MED14: variants seen among roughly 807,000 people sequenced by gnomAD.
MED14 encodes mediator of RNA polymerase II transcription subunit 14.
Under a neutral mutation model 109.0 loss-of-function variants are expected in MED14, and 8 were observed. The ratio of observed to expected loss-of-function variants is 0.07; its 90% CI spans 0.04 to 0.13. The LOEUF (loss-of-function observed/expected upper bound fraction) is 0.13, where lower values mean the gene tolerates loss of function less well. Ranked by LOEUF, MED14 falls within the 10% of genes least tolerant of loss-of-function variation. MED14 has a pLI of 1.00. For synonymous variants in MED14, 399 were observed against 408.7 expected (o/e 0.98, Z 0.29); for missense variants, 711 against 1,142.4 (o/e 0.62, Z 5.44).
intron 1 of MED14, among the ~76,000 whole-genome samples, chrX:40,730,209 G>C (rs1932029311): frequency 8.9e-6 from 1 of 112,363 alleles, no homozygotes; most frequent in African/African-American, 3.2e-5. Context: ...GTACAAGGAG[G>C]AGAAAATATT....
chrX:40,683,532 A>C (rs905280743), intron 16 of MED14, among the ~76,000 whole-genome samples: 1 of 111,991 alleles, frequency 8.9e-6, no homozygotes, highest in South Asian at 3.7e-4. Context: ...CACAGCAAGT[A>C]TTCATATGTT....
At chrX:40,720,461 G>A (rs1370792447) in intron 3 of MED14, among the ~76,000 whole-genome samples, 2 of 112,177 alleles carry the variant, frequency 1.8e-5, no homozygotes, top group African/African-American at 3.2e-5. Flanking sequence ...ACCAGCCTTG[G>A]CTAGAGAATT....
At chrX:40,690,651 G>A (rs1161466650) in intron 15 of MED14, among the ~76,000 whole-genome samples, 2 of 111,230 alleles carry the variant, frequency 1.8e-5, no homozygotes, top group Non-Finnish European at 3.8e-5. Flanking sequence ...CTGACCTCAG[G>A]TGATCTGCCC....
intron 3 of MED14, among the ~76,000 whole-genome samples, chrX:40,718,636 C>T (rs1394216556): frequency 9.0e-6 from 1 of 111,321 alleles, no homozygotes; most frequent in Non-Finnish European, 1.9e-5. Flanking sequence ...GAGTTCGAAA[C>T]CAGCCTGGGC....
chrX:40,732,388 G>A lies in MED14; in HGVS notation c.215+2810C>T, dbSNP rs753164845. Among the ~76,000 whole-genome samples, 156 of 111,549 alleles carry A rather than the reference G, an allele frequency of 1.4e-3. 1 individual carries two copies. Among genetic ancestry groups the A allele is most frequent in the African/African-American group, 4.5e-3 (139 of 30,684 alleles). ...ACAAAAATTAACCAGGTGTGGTGGT[G>A]CATGCCTGTAATCGCAGCTACTCGG... On this transcript the variant is annotated intron_variant, in intron 1 of 30. Transcript: ENST00000324817.
chrX:40,680,265 G>C (rs1244539324), intron 20 of MED14, 132 bp from the exon 21 acceptor site: 2 of 629,233 alleles, frequency 3.2e-6, no homozygotes, highest in East Asian at 3.5e-5. Flanking sequence ...CCCTTGAAGA[G>C]AATGCAAACT....
chrX:40,653,188 A>G (rs1316080620), intron 30 of MED14, among the ~76,000 whole-genome samples: 3 of 111,759 alleles, frequency 2.7e-5, no homozygotes, highest in African/African-American at 9.8e-5. Flanking sequence ...CTTGTGAAGG[A>G]ATGGTGTTTA....
intron 5 of MED14, 108 bp downstream of exon 5, chrX:40,713,670 T>C: frequency 2.3e-6 from 2 of 862,734 alleles, no homozygotes; most frequent in Non-Finnish European, 3.3e-6. Flanking sequence ...CTCAAACTCC[T>C]GACCTCAAGT....
chrX:40,696,219 C>T (rs1416865397), intron 13 of MED14, among the ~76,000 whole-genome samples: 1 of 106,951 alleles, frequency 9.4e-6, no homozygotes, highest in Non-Finnish European at 1.9e-5. Flanking sequence ...ACTGCAAGCT[C>T]CGCCTCCCGG....
At chrX:40,693,575 ATTTC>A (rs1157892206) in intron 13 of MED14, among the ~76,000 whole-genome samples, 4 of 111,190 alleles carry the variant, frequency 3.6e-5, no homozygotes, top group Non-Finnish European at 7.5e-5. Flanking sequence ...AGTCTCAGGT[ATTTC>A]TTTATCAGCA....
upstream of MED14, chrX:40,735,789 A>G (rs1165422401): frequency 2.8e-6 from 1 of 355,326 alleles, no homozygotes; most frequent in East Asian, 8.2e-5. Flanking sequence ...ACCTTCCGAC[A>G]GGTCTGTGTC....
chrX:40,690,215 G>A (rs1478907732), intron 15 of MED14, among the ~76,000 whole-genome samples: 1 of 112,056 alleles, frequency 8.9e-6, no homozygotes, highest in African/African-American at 3.2e-5. Context: ...ATCCAGATAA[G>A]AGGACATTCA....
intron 26 of MED14, among the ~76,000 whole-genome samples, chrX:40,660,132 T>C (rs1458958750): frequency 4.5e-5 from 5 of 112,326 alleles, no homozygotes; most frequent in Middle Eastern, 4.6e-3. Flanking sequence ...GTTTTTTGTT[T>C]TGTTTTGTTT....
chrX:40,728,234 T>C lies in MED14; in HGVS notation c.242+1085A>G, dbSNP rs186670915. Among the ~76,000 whole-genome samples the C allele has an allele frequency of 1.8e-4, 20 of 111,523 alleles. No homozygotes were observed. The East Asian group carries it at 5.0e-3, about 28-fold the overall frequency. ...GCAGTCCTCTACTACAATGGAGATG[T>C]CCCCCTTTGTAAACTATAGTAACAT... On this transcript the variant is annotated intron_variant, in intron 2 of 30. Transcript: ENST00000324817.
At chrX:40,716,385 G>A (rs752973409) in intron 3 of MED14, among the ~76,000 whole-genome samples, 1 of 110,620 alleles carries the variant, frequency 9.0e-6, no homozygotes, top group East Asian at 2.8e-4. Context: ...TTGAGCCCAG[G>A]ACTTGCAGAC....
At chrX:40,696,820 C>T (rs1930741672) in intron 13 of MED14, among the ~76,000 whole-genome samples, 1 of 111,657 alleles carries the variant, frequency 9.0e-6, no homozygotes, top group Non-Finnish European at 1.9e-5. Flanking sequence ...ACAGGACAGA[C>T]CCTAGAGTGA....
chrX:40,703,469 C>T lies in MED14; in HGVS notation c.1386G>A (p.Met462Ile), dbSNP rs763202520. ...CAAGTCCATAAAGCATCAATTGAAA[C>T]ATTCCAGAATGTAAATCTACAAAAA... The part of the protein sequence containing the change: ...LHIFVDLHSG[M>I]FQLMLYGLDQ... Residue 462 changes from methionine to isoleucine, a missense_variant, in exon 11 of 31, where the codon ATG becomes ATA. Coordinates refer to ENST00000324817, the MANE Select transcript of MED14 (RefSeq NM_004229.4). 8.3e-7 allele frequency: 1 copy of T among 1,199,005 alleles called. No homozygotes were observed. Among genetic ancestry groups the T allele is most frequent in the Non-Finnish European group, 1.1e-6 (1 of 885,200 alleles).
intron 23 of MED14, among the ~76,000 whole-genome samples, chrX:40,670,947 A>T (rs1249858982): frequency 8.9e-6 from 1 of 111,967 alleles, no homozygotes; most frequent in South Asian, 3.6e-4. Flanking sequence ...AAAACTACTT[A>T]ATGTATTCTT....
intron 3 of MED14, among the ~76,000 whole-genome samples, chrX:40,720,511 C>T (rs1931676857): frequency 8.9e-6 from 1 of 111,916 alleles, no homozygotes. Flanking sequence ...CTCAGCAAGC[C>T]TTGCTAATGT....
Sources: allele counts gnomAD v4.1 joint callset (sites outside exome capture counted in the v4.1 genomes callset), GRCh38; gene constraint gnomAD v4.1.1; transcripts MANE v1.5; gene names NCBI Gene and HGNC (gene_info 2026-07-23, HGNC 2026-07-21).